LEKR1: variants seen among roughly 807,000 people sequenced by gnomAD.
LEKR1 encodes protein LEKR1.
Under a neutral mutation model 72.4 loss-of-function variants are expected in LEKR1, and 59 were observed. The ratio of observed to expected loss-of-function variants is 0.82; its 90% CI spans 0.66 to 1.01. The LOEUF (loss-of-function observed/expected upper bound fraction) is 1.01, where lower values mean the gene tolerates loss of function less well. Ranked by LOEUF, LEKR1 falls within the 50% of genes least tolerant of loss-of-function variation. The probability of loss-of-function intolerance (pLI) is 0.00; values close to 1 mark genes in which losing one functional copy is unlikely to be tolerated. For synonymous variants in LEKR1, 257 were observed against 263.2 expected, an observed-to-expected ratio of 0.98 and a Z score of 0.23; for missense variants, 728 against 759.2, an observed-to-expected ratio of 0.96 and a Z score of 0.48.
At chr3:156,946,924 T>G (rs141872748) in intron 6 of LEKR1, among the ~76,000 whole-genome samples, 3 of 151,424 alleles carry the variant, frequency 2.0e-5, no homozygotes, top group Admixed American at 1.3e-4. Context: ...AACAATATGT[T>G]CCTGAATAGC....
At chr3:156,839,309 A>C (rs556322145) in intron 2 of LEKR1, among the ~76,000 whole-genome samples, 7 of 152,232 alleles carry the variant, frequency 4.6e-5, no homozygotes, top group Non-Finnish European at 7.3e-5. Flanking sequence ...CCTCAACAGT[A>C]GTCTATGGAA....
chr3:156,993,064 TTC>T lies in LEKR1; in HGVS notation c.906-8_906-7del, dbSNP rs749276901. The T allele has an allele frequency of 1.2e-5, 18 of 1,530,190 alleles. No homozygotes were observed. In the Middle Eastern group the frequency reaches 5.4e-4, roughly 46 times the overall value. The allele number at this position is 1,530,190 out of a possible 1,614,324, so 94.8% of individuals were successfully genotyped here. ...GTATGTTGGTGGGTGTTTTTCCTATTTCTTTTTAGGCATACTATGCTGCTTAA... is the reference window on the plus strand; with the variant it reads ...GTATGTTGGTGGGTGTTTTTCCTATTTTTTTAGGCATACTATGCTGCTTAA... On this transcript the variant is annotated splice_polypyrimidine_tract_variant and splice_region_variant and intron_variant, in intron 8 of 12. Coordinates refer to ENST00000356539, the MANE Select transcript of LEKR1 (RefSeq NM_001004316.3).
At chr3:156,966,508 C>T (rs896883227) in intron 6 of LEKR1, among the ~76,000 whole-genome samples, 2 of 152,172 alleles carry the variant, frequency 1.3e-5, no homozygotes, top group East Asian at 1.9e-4. Context: ...GAGGGTCCTG[C>T]GCCCATGGAG....
At chr3:156,833,827 AT>A (rs905368707) in intron 2 of LEKR1, among the ~76,000 whole-genome samples, 1 of 152,076 alleles carries the variant, frequency 6.6e-6, no homozygotes, top group African/African-American at 2.4e-5. Flanking sequence ...TAACTCAAAA[AT>A]TTCAAAAGGC....
Position 156,882,115 on chromosome 3 carries a change from C to T in LEKR1, c.263+29133C>T, listed in dbSNP as rs1398426794. Reference sequence around the variant, plus strand: ...GGCAAGGACTTCATGTCTAAAACACCAAAAGCAATGGCAACAAAAGACAAA... The same window carrying T: ...GGCAAGGACTTCATGTCTAAAACACTAAAAGCAATGGCAACAAAAGACAAA... On this transcript the variant is annotated intron_variant, in intron 3 of 12. Coordinates refer to ENST00000356539, the MANE Select transcript of LEKR1 (RefSeq NM_001004316.3). Among the ~76,000 whole-genome samples, 5 of 147,498 alleles carry T rather than the reference C, an allele frequency of 3.4e-5. No homozygotes were observed. The East Asian group carries it at 1.0e-3, about 29-fold the overall frequency.
chr3:156,917,430 C>T (rs909783897), intron 3 of LEKR1, among the ~76,000 whole-genome samples: 1 of 151,718 alleles, frequency 6.6e-6, no homozygotes, highest in Non-Finnish European at 1.5e-5. Context: ...CATGATGATA[C>T]ATTGTGATCA....
At chr3:156,888,299 A>G (rs1720307329) in intron 3 of LEKR1, 2 of 702,106 alleles carry the variant, frequency 2.8e-6, no homozygotes, top group Non-Finnish European at 5.2e-6. Flanking sequence ...CTTAACAGCA[A>G]AATATACTTC....
In LEKR1 at chr3:156,828,293, C is replaced by T. The variant is rs187638579; in HGVS notation, c.-44-993C>T. Reference sequence around the variant, plus strand: ...TTTGACAACTACGGTTTCCCTGCTACCTTGCTGTATGGCCGGGGTTGCTCT... The same window carrying T: ...TTTGACAACTACGGTTTCCCTGCTATCTTGCTGTATGGCCGGGGTTGCTCT... On this transcript the variant is annotated intron_variant, in intron 1 of 12. Coordinates refer to ENST00000356539, the MANE Select transcript of LEKR1 (RefSeq NM_001004316.3). Among the ~76,000 whole-genome samples the T allele has an allele frequency of 2.0e-3, 299 of 152,318 alleles. 1 individual carries two copies. Among genetic ancestry groups the T allele is most frequent in the African/African-American group, 7.1e-3 (297 of 41,552 alleles).
In LEKR1 at chr3:157,045,671, C is replaced by G; in HGVS notation, c.2000C>G (p.Pro667Arg). The change falls in exon 13 of 13, where the codon CCC (proline) becomes CGC (arginine). Residue 667 changes from proline (P) to arginine (R), a missense_variant. Physicochemically the swap from Pro to Arg is moderately radical, Grantham distance 103. Transcript: ENST00000356539. ...GVPILPQPHP[P>R]RGGASSANET... is the part of the protein sequence containing the mutation. Reference sequence around the variant, plus strand: ...CCCATTCTCCCCCAGCCACATCCTCCCAGGGGTGGAGCATCTTCAGCAAAT... The same window carrying G: ...CCCATTCTCCCCCAGCCACATCCTCGCAGGGGTGGAGCATCTTCAGCAAAT... 1 of 1,613,980 alleles carries G rather than the reference C, an allele frequency of 6.2e-7. No individual in the cohort carries two copies. Among genetic ancestry groups the G allele is most frequent in the East Asian group, 2.2e-5 (1 of 44,870 alleles).
intron 3 of LEKR1, among the ~76,000 whole-genome samples, chr3:156,875,804 G>C (rs1465124095): frequency 2.0e-5 from 3 of 151,838 alleles, no homozygotes; most frequent in Admixed American, 6.6e-5. Context: ...GACCATCCTC[G>C]CTAACATGGT....
chr3:156,880,732 A>G lies in LEKR1; in HGVS notation c.263+27750A>G, dbSNP rs560948022. Among the ~76,000 whole-genome samples, 489 of 152,356 alleles carry G rather than the reference A, an allele frequency of 3.2e-3. 6 individuals carry two copies. Among genetic ancestry groups the G allele is most frequent in the African/African-American group, 0.011 (476 of 41,586 alleles). ...TTTTAGACCAGTATCCTTGATGAAC[A>G]TTGATGCAAAAATCCTCAATAAAAT... On this transcript the variant is annotated intron_variant, in intron 3 of 12. Transcript: ENST00000356539.
rs1731296804 is a variant in LEKR1 at position 156,993,407 on chromosome 3, A to G, written c.1109+130A>G. ...ACAGGACTAAAGATATATTTCTCCT[A>G]CAAGGTCATTGCATCCCACCACCTC... On this transcript the variant is annotated intron_variant, in intron 9 of 12. Transcript: ENST00000356539. The G allele has an allele frequency of 3.4e-5, 19 of 562,206 alleles. 2 individuals are homozygous for G. The South Asian group carries it at 6.3e-4, about 19-fold the overall frequency. 34.8% of individuals were successfully genotyped at this position (562,206 alleles called of 1,614,324 possible).
At chr3:156,993,961 G>T (rs561967498) in intron 9 of LEKR1, among the ~76,000 whole-genome samples, 1 of 151,170 alleles carries the variant, frequency 6.6e-6, no homozygotes, top group African/African-American at 2.4e-5. Flanking sequence ...GGGTTTTTTT[G>T]TTTCATTGAT....
intron 3 of LEKR1, among the ~76,000 whole-genome samples, chr3:156,897,356 T>C (rs1047589620): frequency 6.6e-5 from 10 of 152,154 alleles, no homozygotes; most frequent in African/African-American, 2.2e-4. Flanking sequence ...AGATTTATTC[T>C]GAGTCAAATG....
At chr3:156,853,028 G>C (rs1715589414) in intron 3 of LEKR1, 46 bp downstream of exon 3, 4 of 1,254,668 alleles carry the variant, frequency 3.2e-6, no homozygotes, top group Non-Finnish European at 4.5e-6. Context: ...TTGAAAGACA[G>C]CTACAGGAAA....
intron 12 of LEKR1, among the ~76,000 whole-genome samples, chr3:157,037,412 G>T (rs1485789932): frequency 6.6e-6 from 1 of 152,086 alleles, no homozygotes; most frequent in African/African-American, 2.4e-5. Flanking sequence ...GCAGAGACAA[G>T]AATAAAGGTC....
intron 6 of LEKR1, among the ~76,000 whole-genome samples, chr3:156,956,070 T>A (rs1360239547): frequency 6.6e-6 from 1 of 151,818 alleles, no homozygotes; most frequent in Non-Finnish European, 1.5e-5. Context: ...GTAAAGTAAT[T>A]TATTGAAAGG....
chr3:156,856,268 CTTCTAGCGTAT>C (rs1386740244), intron 3 of LEKR1, among the ~76,000 whole-genome samples: 6 of 152,070 alleles, frequency 3.9e-5, no homozygotes, highest in Admixed American at 6.6e-5. Context: ...ATTAATTTTT[CTTCTAGCGTAT>C]TTCTGGACGG....
At chr3:156,830,359 C>T (rs78420272) in intron 2 of LEKR1, among the ~76,000 whole-genome samples, 4,770 of 152,296 alleles carry the variant, frequency 0.031, 109 homozygotes, top group Non-Finnish European at 0.047. Flanking sequence ...TTTAGCATGC[C>T]ACTACCTGAT....
Sources: allele counts gnomAD v4.1 joint callset (sites outside exome capture counted in the v4.1 genomes callset), GRCh38; gene constraint gnomAD v4.1.1; transcripts MANE v1.5; gene names NCBI Gene and HGNC (gene_info 2026-07-23, HGNC 2026-07-21).